SPTBN1: variants seen among roughly 807,000 people sequenced by gnomAD.
SPTBN1 encodes spectrin beta chain, non-erythrocytic 1.
In SPTBN1, 32 loss-of-function variants were observed where a neutral mutation model predicts 266.4. The observed-to-expected ratio is 0.12, with a 90% CI of 0.09 to 0.16. SPTBN1 has a LOEUF of 0.16. Ranked by LOEUF, SPTBN1 falls within the 10% of genes least tolerant of loss-of-function variation. The pLI, the probability that SPTBN1 is intolerant of heterozygous loss-of-function variation, is 1.00. For missense variants in SPTBN1, 2,296 were observed against 3,067.1 expected (o/e 0.75, Z 5.94); for synonymous variants, 1,336 against 1,162.2 (o/e 1.15, Z -3.04).
Position 54,622,749 on chromosome 2 carries a change from T to C in SPTBN1, c.1064+262T>C, listed in dbSNP as rs574123767. The stretch of plus-strand genomic sequence containing the variant: ...AATGGTACAAGTCCCCAACCCCTTA[T>C]CCAAAACCATTGTACCTAGTGTGTT... On this transcript the variant is annotated intron_variant, in intron 9 of 35. Coordinates refer to ENST00000356805, the MANE Select transcript of SPTBN1 (RefSeq NM_003128.3). 1.2e-4 allele frequency among the ~76,000 whole-genome samples: 19 copies of C among 152,252 alleles called. No individual in the cohort carries two copies. In the South Asian group the frequency reaches 3.7e-3, roughly 30 times the overall value.
chr2:54,467,939 A>G (rs1386051922), intron 1 of SPTBN1, among the ~76,000 whole-genome samples: 1 of 152,196 alleles, frequency 6.6e-6, no homozygotes, highest in Non-Finnish European at 1.5e-5. Flanking sequence ...GATCATATGG[A>G]AACTAAAGAT....
intron 32 of SPTBN1, chr2:54,662,667 C>G (rs2104236055): frequency 6.6e-6 from 1 of 152,352 alleles, no homozygotes; most frequent in Non-Finnish European, 1.5e-5. Context: ...TCCTCCTCAC[C>G]AGAAGTTTCC....
At position 54,617,703 on chromosome 2, in the gene SPTBN1, A is replaced by G; in HGVS notation, c.647+15A>G. On this transcript the variant is annotated intron_variant, in intron 6 of 35. Transcript: ENST00000356805. ...CACAAACACCGGTAAGTCCATACAA[A>G]TCATCCTAGCAATCGTGGGGTAAAA... 6.2e-7 allele frequency: 1 copy of G among 1,612,778 alleles called. No homozygotes were observed. Among genetic ancestry groups the G allele is most frequent in the East Asian group, 2.2e-5 (1 of 44,878 alleles).
rs377511735 is a variant in SPTBN1 at position 54,646,182 on chromosome 2, C to T, written c.4585-12C>T. ...TTAGCAAGCCTTTGTGTGTATTTTC[C>T]GCTCCCTCCAGACCCTCCAGAAAGA... On this transcript the variant is annotated splice_polypyrimidine_tract_variant and intron_variant, in intron 22 of 35. Transcript: ENST00000356805. This position sits in a 1 kb window ranked among gnomAD's most constrained non-coding sequence, Gnocchi z 4.4. 5.2e-5 allele frequency: 83 copies of T among 1,597,190 alleles called. No individual in the cohort carries two copies. The highest frequency in any genetic ancestry group is 3.8e-4 in the African/African-American group (28 of 74,132).
At chr2:54,609,005 T>C (rs564671116) in intron 3 of SPTBN1, among the ~76,000 whole-genome samples, 4 of 152,156 alleles carry the variant, frequency 2.6e-5, no homozygotes, top group Non-Finnish European at 5.9e-5. Flanking sequence ...TGTCTTCACG[T>C]TGAGTAGGCT....
intron 29 of SPTBN1, 39 bp from the exon 30 acceptor site, chr2:54,657,811 T>G (rs754945710): frequency 6.2e-6 from 10 of 1,613,180 alleles, no homozygotes; most frequent in Non-Finnish European, 8.5e-6. Flanking sequence ...GCCCGGCACC[T>G]CCTGGTCAAC....
chr2:54,517,925 T>A (rs965353976), intron 1 of SPTBN1, among the ~76,000 whole-genome samples: 2 of 149,236 alleles, frequency 1.3e-5, no homozygotes, highest in Non-Finnish European at 3.0e-5. Context: ...ATTACAGGCA[T>A]GAGCCACTGT....
intron 3 of SPTBN1, among the ~76,000 whole-genome samples, chr2:54,602,408 C>T (rs1335536536): frequency 1.3e-5 from 2 of 152,178 alleles, no homozygotes; most frequent in Non-Finnish European, 1.5e-5. Flanking sequence ...GATAGGCCTG[C>T]ACTTCAATGG....
At chr2:54,549,447 T>A (rs1672441710) in intron 2 of SPTBN1, among the ~76,000 whole-genome samples, 1 of 152,228 alleles carries the variant, frequency 6.6e-6, no homozygotes, top group Admixed American at 6.5e-5. Flanking sequence ...AGATTTTCTA[T>A]TTCGGATCCT....
At chr2:54,623,116 C>G (rs1558438050) in intron 9 of SPTBN1, among the ~76,000 whole-genome samples, 2 of 151,864 alleles carry the variant, frequency 1.3e-5, no homozygotes, top group Non-Finnish European at 2.9e-5. Flanking sequence ...GGTAAGGTCT[C>G]TAAAACCCAT....
intron 2 of SPTBN1, among the ~76,000 whole-genome samples, chr2:54,565,519 T>C (rs897977299): frequency 1.3e-5 from 2 of 152,320 alleles, no homozygotes; most frequent in Non-Finnish European, 1.5e-5. Flanking sequence ...TAGAAAGAGA[T>C]ATAAGTTTAG....
intron 2 of SPTBN1, among the ~76,000 whole-genome samples, chr2:54,550,003 C>G (rs763342363): frequency 3.9e-5 from 6 of 152,188 alleles, no homozygotes; most frequent in African/African-American, 1.4e-4. Flanking sequence ...TGGTCATGCA[C>G]TTGTTTGAGG....
intron 1 of SPTBN1, among the ~76,000 whole-genome samples, chr2:54,522,125 C>T (rs1387167816): frequency 1.3e-5 from 2 of 151,832 alleles, no homozygotes; most frequent in African/African-American, 2.4e-5. Context: ...TGGTCTTTAA[C>T]GCCTGGGCTC....
In SPTBN1 at chr2:54,526,429, C is replaced by G; in HGVS notation, c.11C>G (p.Thr4Arg). Residue 4 changes from threonine (T) to arginine (R), a missense_variant, in exon 2 of 36, where the codon ACA (threonine) becomes AGA (arginine). Transcript: ENST00000356805. MTTTVATDYDNIEI... is the reference protein window; with the variant it reads MTTRVATDYDNIEI... ...CTGAGACAGTTCAAGATGACGACCA[C>G]AGTAGCCACAGACTATGACAACATT... 6.2e-7 allele frequency: 1 copy of G among 1,614,120 alleles called. No individual in the cohort carries two copies. Among genetic ancestry groups the G allele is most frequent in the Middle Eastern group, 1.6e-4 (1 of 6,062 alleles).
rs749069838 is a variant in SPTBN1 at position 54,629,649 on chromosome 2, C to T, written c.2515C>T (p.Arg839Trp). The stretch of plus-strand genomic sequence containing the variant: ...GTATAAGGAGGTGGCAGAGCTGACG[C>T]GGCTGCGGAAGCAGGCACTCCAGGA... ...ERYKEVAELTRLRKQALQDTL... is the reference protein window; with the variant it reads ...ERYKEVAELTWLRKQALQDTL... Residue 839 changes from arginine to tryptophan, a missense_variant, in exon 14 of 36, where the codon CGG (arginine) becomes TGG (tryptophan). Around this residue, in one of 12 missense-constraint regions of SPTBN1, gnomAD observed 434 missense variants for 573.9 expected, o/e 0.76. Coordinates refer to ENST00000356805, the MANE Select transcript of SPTBN1 (RefSeq NM_003128.3). The T allele has an allele frequency of 8.1e-6, 13 of 1,613,724 alleles. No homozygotes were observed. Among genetic ancestry groups the T allele is most frequent in the Admixed American group, 5.0e-5 (3 of 60,014 alleles).
chr2:54,659,253 T>A lies in SPTBN1; in HGVS notation c.6343T>A (p.Ser2115Thr), dbSNP rs1237550977. 2 of 1,613,912 alleles carry A rather than the reference T, an allele frequency of 1.2e-6. No individual in the cohort carries two copies. The highest frequency in any genetic ancestry group is 4.5e-5 in the East Asian group (2 of 44,874). Reference protein sequence around the residue: ...PSTKVSEEAESQQQWDTSKGE... With the variant: ...PSTKVSEEAETQQQWDTSKGE... ...CACGAAGGTTTCAGAGGAAGCCGAG[T>A]CCCAGCAGCAGTGGTGAGTCCCAGC... Residue 2115 changes from serine (S) to threonine (T), a missense_variant, in exon 31 of 36, where the codon TCC (serine) becomes ACC (threonine). Around this residue, in one of 12 missense-constraint regions of SPTBN1, gnomAD observed 347 missense variants for 368.5 expected, o/e 0.94. Transcript: ENST00000356805.
Position 54,646,262 on chromosome 2 carries a change from C to T in SPTBN1, c.4653C>T (p.Ile1551=), listed in dbSNP as rs774011508. The change falls in exon 23 of 36, where the codon ATC becomes ATT. Residue 1551 remains isoleucine, a synonymous_variant. Transcript: ENST00000356805. This position sits in a 1 kb window ranked among gnomAD's most constrained non-coding sequence, Gnocchi z 4.4. The part of the protein sequence containing the change: ...IDDIFERSQN[I]VTDSSSLSAE... Reference sequence around the variant, plus strand: ...ACATCTTTGAGAGGAGCCAAAACATCGTCACTGACAGCAGCAGCCTCAGCG... The same window carrying T: ...ACATCTTTGAGAGGAGCCAAAACATTGTCACTGACAGCAGCAGCCTCAGCG... 8 of 1,614,012 alleles carry T rather than the reference C, an allele frequency of 5.0e-6. No homozygotes were observed. Among genetic ancestry groups the T allele is most frequent in the Admixed American group, 3.3e-5 (2 of 59,994 alleles).
At position 54,533,730 on chromosome 2, in the gene SPTBN1, T is replaced by C. The variant is rs1368257061; in HGVS notation, c.148+7164T>C. Among the ~76,000 whole-genome samples, 1 of 152,172 alleles carries C rather than the reference T, an allele frequency of 6.6e-6. No individual in the cohort carries two copies. On this transcript the variant is annotated intron_variant, in intron 2 of 35. Coordinates refer to ENST00000356805, the MANE Select transcript of SPTBN1 (RefSeq NM_003128.3). This position sits in a 1 kb window ranked among gnomAD's most constrained non-coding sequence, Gnocchi z 4.2. ...CACACCTGGCTAATTTTTGTATTTTTAGTAGAGACGGGGTTTCACCATGTT... is the reference window on the plus strand; with the variant it reads ...CACACCTGGCTAATTTTTGTATTTTCAGTAGAGACGGGGTTTCACCATGTT...
At chr2:54,621,739 T>C (rs902014035) in intron 8 of SPTBN1, among the ~76,000 whole-genome samples, 2 of 152,140 alleles carry the variant, frequency 1.3e-5, no homozygotes, top group Admixed American at 1.3e-4. Context: ...GCAACATCTT[T>C]CTCCTCAACT....
Sources: allele counts gnomAD v4.1 joint callset (sites outside exome capture counted in the v4.1 genomes callset), GRCh38; gene constraint gnomAD v4.1.1; regional missense constraint gnomAD v4.1.1; non-coding constraint Gnocchi (gnomAD v3.1); transcripts MANE v1.5; gene names NCBI Gene and HGNC (gene_info 2026-07-23, HGNC 2026-07-21).